The following SH3RF3 variants were observed in gnomAD, a reference collection of about 807,000 sequenced individuals.
SH3RF3 encodes E3 ubiquitin-protein ligase SH3RF3.
SH3RF3 carries 29 observed loss-of-function variants against 66.3 expected under a neutral mutation model. The observed-to-expected ratio is 0.44, with a 90% CI of 0.33 to 0.60. The LOEUF is 0.60. Among genes scored for constraint, SH3RF3 ranks in the 20% least tolerant of loss-of-function variants. SH3RF3 has a pLI of 0.04. For missense variants in SH3RF3, 1,194 were observed against 1,190.9 expected (o/e 1.00, Z -0.04); for synonymous variants, 583 against 532.0 (o/e 1.10, Z -1.32).
At chr2:109,270,606 A>G (rs550767615) in intron 1 of SH3RF3, among the ~76,000 whole-genome samples, 40 of 152,266 alleles carry the variant, frequency 2.6e-4, no homozygotes, top group Non-Finnish European at 4.3e-4. Context: ...CCAGGAGGCC[A>G]CGGGTGCAGG....
intron 1 of SH3RF3, among the ~76,000 whole-genome samples, chr2:109,190,976 G>A (rs907509312): frequency 4.0e-5 from 6 of 151,368 alleles, no homozygotes; most frequent in Non-Finnish European, 8.8e-5. Context: ...TTTAATAGTT[G>A]CGTCAGGCGA....
chr2:109,220,665 G>T (rs1387267500), intron 1 of SH3RF3, among the ~76,000 whole-genome samples: 1 of 152,158 alleles, frequency 6.6e-6, no homozygotes, highest in Non-Finnish European at 1.5e-5. Flanking sequence ...CACATGAAAA[G>T]ATGCTTCATG....
intron 5 of SH3RF3, 145 bp from the exon 6 acceptor site, chr2:109,432,356 C>CGTA: frequency 9.6e-7 from 1 of 1,039,926 alleles, no homozygotes; most frequent in South Asian, 1.6e-5. Context: ...TGTGTGAGGC[C>CGTA]TCTGTAAACT....
intron 6 of SH3RF3, among the ~76,000 whole-genome samples, chr2:109,436,354 T>G (rs1385949653): frequency 6.6e-6 from 1 of 152,132 alleles, no homozygotes; most frequent in Non-Finnish European, 1.5e-5. Flanking sequence ...ATCTGGAAAC[T>G]TCGGAGTGAA....
intron 5 of SH3RF3, among the ~76,000 whole-genome samples, chr2:109,425,931 T>C (rs995489791): frequency 6.6e-5 from 10 of 152,182 alleles, no homozygotes; most frequent in African/African-American, 2.4e-4. Context: ...GGAGTTTCAC[T>C]CTGTCGTCCA....
At chr2:109,408,964 G>T (rs1049520742) in intron 4 of SH3RF3, among the ~76,000 whole-genome samples, 8 of 152,174 alleles carry the variant, frequency 5.3e-5, no homozygotes, top group Admixed American at 5.2e-4. Context: ...TAGAAGAAAG[G>T]CTCCAGGGCA....
intron 8 of SH3RF3, among the ~76,000 whole-genome samples, chr2:109,489,277 C>G (rs535172736): frequency 1.3e-5 from 2 of 152,240 alleles, no homozygotes; most frequent in African/African-American, 4.8e-5. Context: ...GACACCTTAT[C>G]GGGTGGAGAC....
At chr2:109,416,165 C>G (rs1245494502) in intron 4 of SH3RF3, among the ~76,000 whole-genome samples, 1 of 152,198 alleles carries the variant, frequency 6.6e-6, no homozygotes, top group Non-Finnish European at 1.5e-5. Flanking sequence ...GTAAGCAACA[C>G]TAAACAGACT....
intron 8 of SH3RF3, among the ~76,000 whole-genome samples, chr2:109,486,960 T>C (rs940044142): frequency 5.3e-5 from 8 of 152,124 alleles, no homozygotes; most frequent in Non-Finnish European, 1.2e-4. Context: ...GCTGAACTGA[T>C]TGGAGCCTGG....
At chr2:109,456,091 G>A (rs1678047598) in intron 8 of SH3RF3, among the ~76,000 whole-genome samples, 1 of 152,194 alleles carries the variant, frequency 6.6e-6, no homozygotes, top group Admixed American at 6.5e-5. Context: ...CAGGCCCACT[G>A]GGGGCTTGGG....
At chr2:109,148,626 TAGTC>T (rs953999529) in intron 1 of SH3RF3, among the ~76,000 whole-genome samples, 152 of 152,330 alleles carry the variant, frequency 1.0e-3, no homozygotes, top group African/African-American at 3.3e-3. Context: ...AAGATGGCAT[TAGTC>T]AGGCAGAAGC....
At chr2:109,296,283 A>G (rs1681305921) in intron 1 of SH3RF3, among the ~76,000 whole-genome samples, 1 of 152,070 alleles carries the variant, frequency 6.6e-6, no homozygotes, top group Non-Finnish European at 1.5e-5. Context: ...GCTGGAGTGC[A>G]ATGGTGCTAT....
intron 8 of SH3RF3, among the ~76,000 whole-genome samples, chr2:109,458,470 A>G (rs1392182416): frequency 6.6e-6 from 1 of 152,112 alleles, no homozygotes; most frequent in African/African-American, 2.4e-5. Context: ...ATTTAGTGTG[A>G]AAATGGGAAT....
In SH3RF3 at chr2:109,129,664, G is replaced by A. The variant is rs1342323721; in HGVS notation, c.124G>A (p.Ala42Thr). 1 of 1,508,086 alleles carries A rather than the reference G, an allele frequency of 6.6e-7. No homozygotes were observed. Among genetic ancestry groups the A allele is most frequent in the East Asian group, 2.7e-5 (1 of 36,988 alleles). 93.4% of individuals were successfully genotyped at this position (1,508,086 alleles called of 1,614,324 possible). A position where few individuals can be genotyped will look rare whatever the true frequency, so the allele number is the denominator to read the frequency against. ...RRRAAATAAG[A>T]GEDMDESSLL... ...TCGGGCGGCGGCCACCGCCGCGGGG[G>A]CGGGCGAGGACATGGACGAGTCGTC... The change falls in exon 1 of 10, where the codon GCG becomes ACG. Residue 42 changes from alanine to threonine, a missense_variant. Coordinates refer to ENST00000309415, the MANE Select transcript of SH3RF3 (RefSeq NM_001099289.3).
Position 109,490,588 on chromosome 2 carries a change from C to A in SH3RF3, c.2149-17C>A. 2.1e-6 allele frequency: 3 copies of A among 1,416,690 alleles called. No homozygotes were observed. The highest frequency in any genetic ancestry group is 2.8e-6 in the Non-Finnish European group (3 of 1,083,936). 87.8% of individuals were successfully genotyped at this position (1,416,690 alleles called of 1,614,324 possible). ...AAGCATTCACCTGTTTGGTTTCCAT[C>A]TTGTGTGTCTCCCCAGAAAGAGAAG... On this transcript the variant is annotated splice_polypyrimidine_tract_variant and intron_variant, in intron 8 of 9. Transcript: ENST00000309415.
At chr2:109,356,484 T>C (rs1015140195) in intron 2 of SH3RF3, among the ~76,000 whole-genome samples, 20 of 152,316 alleles carry the variant, frequency 1.3e-4, no homozygotes, top group African/African-American at 4.3e-4. Context: ...AGATGCCACA[T>C]ATGGCAGCCT....
At chr2:109,453,016 C>G (rs1160324501) in intron 8 of SH3RF3, among the ~76,000 whole-genome samples, 4 of 150,998 alleles carry the variant, frequency 2.6e-5, no homozygotes, top group African/African-American at 9.7e-5. Flanking sequence ...GGAAACTGGT[C>G]CCCGGGAGGC....
At chr2:109,211,266 A>T (rs934730187) in intron 1 of SH3RF3, among the ~76,000 whole-genome samples, 2 of 152,184 alleles carry the variant, frequency 1.3e-5, no homozygotes, top group Non-Finnish European at 2.9e-5. Flanking sequence ...TGGTGAGGGG[A>T]TGTCCTGCCA....
intron 1 of SH3RF3, among the ~76,000 whole-genome samples, chr2:109,201,488 C>T (rs1678674856): frequency 6.6e-6 from 1 of 152,200 alleles, no homozygotes; most frequent in Non-Finnish European, 1.5e-5. Flanking sequence ...TCTCTCTCTC[C>T]CCCTGGCTAC....
Sources: gnomAD v4.1 joint callset for allele counts (sites outside exome capture counted in the v4.1 genomes callset) on GRCh38, gnomAD v4.1.1 for gene constraint, MANE v1.5 for transcripts, NCBI Gene and HGNC (gene_info 2026-07-23, HGNC 2026-07-21) for gene names.